Variants in PCDHA7 observed in about 807,000 individuals in gnomAD.
PCDHA7 encodes protocadherin alpha-7.
PCDHA7 carries 37 observed loss-of-function variants against 57.2 expected under a neutral mutation model. The observed-to-expected ratio is 0.65, with a 90% CI of 0.50 to 0.85. The LOEUF (loss-of-function observed/expected upper bound fraction) is 0.85. PCDHA7 is among the 40% of genes least tolerant of loss of function. The pLI, the probability that PCDHA7 is intolerant of heterozygous loss-of-function variation, is 0.00. For synonymous variants in PCDHA7, 553 were observed against 558.8 expected, an observed-to-expected ratio of 0.99 and a Z score of 0.15; for missense variants, 1,188 against 1,241.8, an observed-to-expected ratio of 0.96 and a Z score of 0.65.
At position 140,854,145 on chromosome 5, in the gene PCDHA7, G is replaced by T. The variant is rs1403834220; in HGVS notation, c.2355+17407G>T. ...CAACTGCATTTCAGCCCGGGTGACA[G>T]CAAGATTCTGTCTCAAAAAAAAAAA... On this transcript the variant is annotated intron_variant, in intron 1 of 3. Coordinates refer to ENST00000525929, the MANE Select transcript of PCDHA7 (RefSeq NM_018910.3). The T allele has an allele frequency of 1.6e-5, 7 of 435,310 alleles. 1 individual carries two copies. The highest frequency in any genetic ancestry group is 2.0e-5 in the Non-Finnish European group (7 of 352,084). The allele number at this position is 435,310 out of a possible 1,614,324, so 27.0% of individuals were successfully genotyped here.
chr5:140,966,068 T>G (rs188069959), intron 1 of PCDHA7: 1 of 153,298 alleles, frequency 6.5e-6, no homozygotes. Context: ...CGCCTCCCCC[T>G]GCGTTGTTTC....
chr5:140,966,539 T>TCGGAGGCGAG (rs2096018089), intron 1 of PCDHA7: 1 of 462,064 alleles, frequency 2.2e-6, no homozygotes, highest in Non-Finnish European at 3.7e-6. Flanking sequence ...GTTGAGCGAC[T>TCGGAGGCGAG]CGGAGGCGAG....
intron 1 of PCDHA7, among the ~76,000 whole-genome samples, chr5:140,961,885 C>G (rs2095640261): frequency 6.7e-6 from 1 of 149,548 alleles, no homozygotes. Context: ...TTACTTACAT[C>G]AGTTTTTTTT....
chr5:140,957,438 A>T (rs1554222966), intron 1 of PCDHA7, among the ~76,000 whole-genome samples: 1 of 152,216 alleles, frequency 6.6e-6, no homozygotes, highest in Non-Finnish European at 1.5e-5. Context: ...TGCCTAATTT[A>T]TAAATCACAC....
intron 1 of PCDHA7, chr5:140,843,224 C>A: frequency 6.3e-7 from 1 of 1,596,086 alleles, no homozygotes; most frequent in Non-Finnish European, 8.6e-7. Context: ...CAGCACCACT[C>A]GTGTCCTGGA....
intron 1 of PCDHA7, among the ~76,000 whole-genome samples, chr5:140,976,934 C>T (rs995021593): frequency 1.3e-5 from 2 of 152,170 alleles, no homozygotes; most frequent in African/African-American, 2.4e-5. Context: ...TGTGTAGCTA[C>T]TTAAAACATA....
chr5:141,003,457 G>A (rs769049189), intron 3 of PCDHA7, among the ~76,000 whole-genome samples: 1 of 152,136 alleles, frequency 6.6e-6, no homozygotes, highest in Non-Finnish European at 1.5e-5. Flanking sequence ...AATTACAGGC[G>A]TGCACCACCA....
Position 140,899,596 on chromosome 5 carries a change from G to A in PCDHA7, c.2355+62858G>A, listed in dbSNP as rs567280301. On this transcript the variant is annotated intron_variant, in intron 1 of 3. Transcript: ENST00000525929. ...ATTCGGTTTGCCAGTATTTTATTGA[G>A]GACTTTTGCATCAATGTTCATCAAG... Among the ~76,000 whole-genome samples the A allele has an allele frequency of 7.2e-5, 11 of 152,196 alleles. No individual in the cohort carries two copies. In the East Asian group the frequency reaches 2.1e-3, roughly 29 times the overall value.
intron 1 of PCDHA7, among the ~76,000 whole-genome samples, chr5:140,971,595 A>G (rs1228003229): frequency 6.6e-6 from 1 of 152,110 alleles, no homozygotes; most frequent in African/African-American, 2.4e-5. Flanking sequence ...CCTAGTTACT[A>G]CAGATGGCAG....
At position 140,843,280 on chromosome 5, in the gene PCDHA7, T is replaced by A. The variant is rs2150356364; in HGVS notation, c.2355+6542T>A. ...ACCGTCTGCTGGTCCTGGTGAAGGA[T>A]CATGGTGAACCTGCGCTGACCGCCA... On this transcript the variant is annotated intron_variant, in intron 1 of 3. Coordinates refer to ENST00000525929, the MANE Select transcript of PCDHA7 (RefSeq NM_018910.3). 5.0e-6 allele frequency: 8 copies of A among 1,595,708 alleles called. 1 individual carries two copies. The African/African-American group carries it at 6.7e-5, about 13-fold the overall frequency.
At position 140,968,170 on chromosome 5, in the gene PCDHA7, C is replaced by T. The variant is rs1554230457; in HGVS notation, c.2356-10779C>T. 3 of 1,614,132 alleles carry T rather than the reference C, an allele frequency of 1.9e-6. No homozygotes were observed. In the South Asian group the frequency reaches 3.3e-5, roughly 18 times the overall value. On this transcript the variant is annotated intron_variant, in intron 1 of 3. Transcript: ENST00000525929. ...CTGACATCAATGACAATCCACCAAG[C>T]TTCCTGGAGGACTCCTATTCCATCT...
At chr5:140,911,709 G>A (rs1029382331) in intron 1 of PCDHA7, among the ~76,000 whole-genome samples, 1 of 151,822 alleles carries the variant, frequency 6.6e-6, no homozygotes, top group Non-Finnish European at 1.5e-5. Context: ...AATTTATTTT[G>A]TGTAACTCTG....
intron 1 of PCDHA7, chr5:140,855,768 T>C (rs1047449445): frequency 1.8e-5 from 7 of 383,760 alleles, no homozygotes; most frequent in East Asian, 1.3e-4. Flanking sequence ...TCCATAGACA[T>C]AAAAATACGT....
At chr5:140,935,564 T>A (rs1554210560) in intron 1 of PCDHA7, among the ~76,000 whole-genome samples, 1 of 152,236 alleles carries the variant, frequency 6.6e-6, no homozygotes, top group Non-Finnish European at 1.5e-5. Context: ...GAAAAGTTCC[T>A]CTCTGTGTAG....
rs189687890 is a variant in PCDHA7 at position 140,972,728 on chromosome 5, A to G, written c.2356-6221A>G. ...TGCCAGGCTGGAGTGCAGTGGCGTA[A>G]TCCCGGCTCACTGCAACCTCCGCCT... On this transcript the variant is annotated intron_variant, in intron 1 of 3. Transcript: ENST00000525929. Among the ~76,000 whole-genome samples the G allele has an allele frequency of 6.0e-3, 882 of 147,958 alleles. 8 individuals carry two copies. Among genetic ancestry groups the G allele is most frequent in the African/African-American group, 0.021 (847 of 39,742 alleles).
intron 1 of PCDHA7, among the ~76,000 whole-genome samples, chr5:140,936,326 AT>A: frequency 6.6e-6 from 1 of 152,256 alleles, no homozygotes; most frequent in South Asian, 2.1e-4. Flanking sequence ...CATGCTATAA[AT>A]TTTCTCTATC....
In PCDHA7 at chr5:140,836,554, C is replaced by T; in HGVS notation, c.2171C>T (p.Ser724Leu). 6.2e-7 allele frequency: 1 copy of T among 1,613,764 alleles called. No individual in the cohort carries two copies. Among genetic ancestry groups the T allele is most frequent in the Non-Finnish European group, 8.5e-7 (1 of 1,179,850 alleles). ...TLLLYTALRC[S>L]APSSEGACSL... ...CTGCTGTACACGGCGTTGCGGTGCT[C>T]AGCGCCGTCCTCTGAGGGCGCATGT... Residue 724 changes from serine (S) to leucine (L), a missense_variant, in exon 1 of 4, where the codon TCA becomes TTA. By Grantham distance (145) the Ser-to-Leu change is moderately radical (BLOSUM62 -2). Coordinates refer to ENST00000525929, the MANE Select transcript of PCDHA7 (RefSeq NM_018910.3).
rs1554144804 is a variant in PCDHA7, at chr5:140,850,700, C to G, written c.2355+13962C>G. 17 of 1,597,908 alleles carry G rather than the reference C, an allele frequency of 1.1e-5. 1 individual carries two copies. The highest frequency in any genetic ancestry group is 1.7e-5 in the Admixed American group (1 of 59,228). ...CCACCGAGGGCGAGTGCGCGCCTGG[C>G]AAGCCGACGCTGGTGTGTTCTAGCG... On this transcript the variant is annotated intron_variant, in intron 1 of 3. Transcript: ENST00000525929.
chr5:140,883,412 A>G, intron 1 of PCDHA7: 1 of 1,614,152 alleles, frequency 6.2e-7, no homozygotes, highest in African/African-American at 1.3e-5. Context: ...CTCTGGCTCA[A>G]ATGGACAGGT....
Sources: gnomAD v4.1 joint callset for allele counts (sites outside exome capture counted in the v4.1 genomes callset) on GRCh38, gnomAD v4.1.1 for gene constraint, MANE v1.5 for transcripts, NCBI Gene and HGNC (gene_info 2026-07-23, HGNC 2026-07-21) for gene names.